The following GALNTL6 variants were observed in gnomAD, a reference collection of about 807,000 sequenced individuals.
The protein encoded by GALNTL6 is polypeptide N-acetylgalactosaminyltransferase like 6.
In GALNTL6, 46 loss-of-function variants were observed where a neutral mutation model predicts 73.7. That is an observed-to-expected ratio of 0.62 (90% CI 0.49 to 0.80). GALNTL6 has a LOEUF of 0.80. GALNTL6 is among the 30% of genes least tolerant of loss of function. GALNTL6 has a pLI of 0.00. For missense variants in GALNTL6, 604 were observed against 755.0 expected, an observed-to-expected ratio of 0.80 and a Z score of 2.34; for synonymous variants, 259 against 263.7, an observed-to-expected ratio of 0.98 and a Z score of 0.17.
intron 5 of GALNTL6, among the ~76,000 whole-genome samples, chr4:172,644,166 A>G (rs1478666907): frequency 6.6e-6 from 1 of 151,914 alleles, no homozygotes; most frequent in Non-Finnish European, 1.5e-5. Context: ...TAAAATGCAC[A>G]CATCTTTATT....
At chr4:172,797,261 T>G (rs1740323778) in intron 5 of GALNTL6, among the ~76,000 whole-genome samples, 1 of 152,208 alleles carries the variant, frequency 6.6e-6, no homozygotes, top group African/African-American at 2.4e-5. Flanking sequence ...TTTTCTTTTT[T>G]TTTTATTTGG....
chr4:172,287,340 G>A (rs1739297163), intron 3 of GALNTL6, among the ~76,000 whole-genome samples: 1 of 152,128 alleles, frequency 6.6e-6, no homozygotes, highest in South Asian at 2.1e-4. Context: ...GCCTCATGCT[G>A]TGTGCATGCC....
At chr4:172,873,585 G>T (rs769709990) in intron 7 of GALNTL6, among the ~76,000 whole-genome samples, 4 of 152,222 alleles carry the variant, frequency 2.6e-5, no homozygotes, top group Non-Finnish European at 4.4e-5. Context: ...ACAGGTAGAA[G>T]TAGAACACAA....
chr4:172,109,601 A>T (rs1233317040), intron 2 of GALNTL6, among the ~76,000 whole-genome samples: 2 of 152,242 alleles, frequency 1.3e-5, no homozygotes, highest in Admixed American at 6.5e-5. Context: ...CCACAGACAA[A>T]CCACTAAATA....
At chr4:172,284,017 G>A (rs1739162419) in intron 3 of GALNTL6, among the ~76,000 whole-genome samples, 1 of 151,882 alleles carries the variant, frequency 6.6e-6, no homozygotes, top group South Asian at 2.1e-4. Context: ...ACTCTTTCAT[G>A]GTCTAAATCA....
intron 5 of GALNTL6, among the ~76,000 whole-genome samples, chr4:172,391,044 A>G (rs950348020): frequency 4.6e-5 from 7 of 152,260 alleles, no homozygotes; most frequent in African/African-American, 1.7e-4. Flanking sequence ...ACTAATTTAT[A>G]GACTAGGTAA....
At chr4:172,886,737 T>G (rs1472241015) in intron 8 of GALNTL6, among the ~76,000 whole-genome samples, 2 of 151,772 alleles carry the variant, frequency 1.3e-5, no homozygotes, top group African/African-American at 4.9e-5. Context: ...CACTCCAGCC[T>G]GGGCAACAAG....
intron 2 of GALNTL6, among the ~76,000 whole-genome samples, chr4:172,170,265 T>A (rs921122206): frequency 1.3e-5 from 2 of 152,188 alleles, no homozygotes; most frequent in Non-Finnish European, 1.5e-5. Context: ...ATGGGGGCAG[T>A]TTCCCCATGC....
chr4:172,158,791 G>GT (rs1350014585), intron 2 of GALNTL6, among the ~76,000 whole-genome samples: 2 of 152,032 alleles, frequency 1.3e-5, no homozygotes, highest in Non-Finnish European at 2.9e-5. Context: ...TTCAATGGAA[G>GT]TTTTTTTCTG....
At chr4:172,404,151 G>A (rs1744133151) in intron 5 of GALNTL6, among the ~76,000 whole-genome samples, 1 of 151,694 alleles carries the variant, frequency 6.6e-6, no homozygotes, top group Non-Finnish European at 1.5e-5. Context: ...TGCCCTAAAT[G>A]CCTTAAAATA....
chr4:172,490,651 G>T (rs1042784201), intron 5 of GALNTL6, among the ~76,000 whole-genome samples: 3 of 152,050 alleles, frequency 2.0e-5, no homozygotes, highest in East Asian at 3.8e-4. Context: ...ACAATACAAT[G>T]AAATATTCAT....
intron 2 of GALNTL6, among the ~76,000 whole-genome samples, chr4:171,943,890 G>C (rs1738625659): frequency 6.8e-6 from 1 of 146,440 alleles, no homozygotes; most frequent in African/African-American, 2.5e-5. Flanking sequence ...ATAGTTAAGA[G>C]ACTAGAATGC....
intron 5 of GALNTL6, among the ~76,000 whole-genome samples, chr4:172,700,969 G>A (rs769148482): frequency 5.9e-5 from 9 of 152,082 alleles, no homozygotes; most frequent in Non-Finnish European, 1.2e-4. Flanking sequence ...TGTTACATAT[G>A]AAGCTTAAGG....
In GALNTL6 at chr4:172,022,868, T is replaced by C. The variant is rs542848855; in HGVS notation, c.139-206788T>C. On this transcript the variant is annotated intron_variant, in intron 2 of 12. Coordinates refer to ENST00000506823, the MANE Select transcript of GALNTL6 (RefSeq NM_001034845.3). ...TTATTAGCAATGTCTAACAATTCTC[T>C]GAGCCACCCCATTTCCCTGTTTTTC... 4.6e-5 allele frequency among the ~76,000 whole-genome samples: 7 copies of C among 152,172 alleles called. No homozygotes were observed. The South Asian group carries it at 1.4e-3, about 32-fold the overall frequency.
chr4:172,809,113 C>A lies in GALNTL6; in HGVS notation c.554-248C>A, dbSNP rs1741139234. 1.3e-5 allele frequency among the ~76,000 whole-genome samples: 2 copies of A among 152,146 alleles called. No individual in the cohort carries two copies. Among genetic ancestry groups the A allele is most frequent in the Non-Finnish European group, 2.9e-5 (2 of 68,038 alleles). On this transcript the variant is annotated intron_variant, in intron 5 of 12. Transcript: ENST00000506823. This position sits in a 1 kb window ranked among gnomAD's most constrained non-coding sequence, Gnocchi z 4.4. Reference sequence around the variant, plus strand: ...CGCTGCAGCTGTCAGCCAGCAGTAACTGCATAACAGACCTCTGGCATGTCA... The same window carrying A: ...CGCTGCAGCTGTCAGCCAGCAGTAAATGCATAACAGACCTCTGGCATGTCA...
intron 3 of GALNTL6, 44 bp from the exon 4 acceptor site, chr4:172,311,569 TG>T (rs1269858189): frequency 6.6e-7 from 1 of 1,522,464 alleles, no homozygotes; most frequent in South Asian, 1.3e-5. Context: ...GAAGATAAAA[TG>T]GCTTTTATAG....
chr4:173,005,920 G>A (rs1752258491), intron 10 of GALNTL6, among the ~76,000 whole-genome samples: 1 of 152,166 alleles, frequency 6.6e-6, no homozygotes, highest in South Asian at 2.1e-4. Context: ...AAATTCAAGA[G>A]TCTAGAAAAT....
intron 5 of GALNTL6, among the ~76,000 whole-genome samples, chr4:172,605,770 T>C (rs1738231651): frequency 6.6e-6 from 1 of 151,848 alleles, no homozygotes; most frequent in Non-Finnish European, 1.5e-5. Context: ...CCAGAAAACA[T>C]TAGGCATGTG....
At chr4:171,904,291 G>C (rs1048248343) in intron 2 of GALNTL6, among the ~76,000 whole-genome samples, 4 of 152,118 alleles carry the variant, frequency 2.6e-5, no homozygotes, top group Admixed American at 2.6e-4. Context: ...ATACAGAGAA[G>C]TGCTTAAAGG....
Sources: allele counts gnomAD v4.1 joint callset (sites outside exome capture counted in the v4.1 genomes callset), GRCh38; gene constraint gnomAD v4.1.1; non-coding constraint Gnocchi (gnomAD v3.1); transcripts MANE v1.5; gene names NCBI Gene and HGNC (gene_info 2026-07-23, HGNC 2026-07-21).